Variants in FAM171A1 observed in about 807,000 individuals in gnomAD.
The protein encoded by FAM171A1 is protein FAM171A1.
FAM171A1 carries 23 observed loss-of-function variants against 74.9 expected under a neutral mutation model. The observed-to-expected ratio is 0.31, with a 90% CI of 0.22 to 0.44. The LOEUF (loss-of-function observed/expected upper bound fraction) is 0.44. FAM171A1 is among the 20% of genes least tolerant of loss of function. The probability of loss-of-function intolerance (pLI) is 1.00; values close to 1 mark genes in which losing one functional copy is unlikely to be tolerated. For missense variants in FAM171A1, 1,162 were observed against 1,159.2 expected (o/e 1.00, Z -0.03); for synonymous variants, 527 against 505.7 (o/e 1.04, Z -0.57).
intron 1 of FAM171A1, among the ~76,000 whole-genome samples, chr10:15,369,233 T>TATATATTGAATATATATATATA: frequency 6.6e-6 from 1 of 150,536 alleles, no homozygotes; most frequent in African/African-American, 2.4e-5. Flanking sequence ...TATATATATA[T>TATATATTGAATATATATATATA]TGAAGACATG....
chr10:15,259,333 C>T (rs1466044380), intron 3 of FAM171A1, among the ~76,000 whole-genome samples: 1 of 152,196 alleles, frequency 6.6e-6, no homozygotes, highest in Non-Finnish European at 1.5e-5. Flanking sequence ...GCTTCAGCCT[C>T]ACTCCCTTTT....
At chr10:15,355,733 T>A (rs957834416) in intron 1 of FAM171A1, among the ~76,000 whole-genome samples, 6 of 151,564 alleles carry the variant, frequency 4.0e-5, no homozygotes, top group African/African-American at 1.5e-4. Flanking sequence ...ATAATAATAA[T>A]AAAATAAATA....
At chr10:15,346,858 G>A (rs1835822175) in intron 1 of FAM171A1, among the ~76,000 whole-genome samples, 1 of 152,164 alleles carries the variant, frequency 6.6e-6, no homozygotes, top group Non-Finnish European at 1.5e-5. Flanking sequence ...CTCCAGGGAG[G>A]TAAATTACTA....
intron 1 of FAM171A1, among the ~76,000 whole-genome samples, chr10:15,294,388 G>A (rs1835137130): frequency 6.6e-6 from 1 of 152,204 alleles, no homozygotes; most frequent in South Asian, 2.1e-4. Flanking sequence ...GACCCCGGGA[G>A]TGTGTGCTCA....
chr10:15,280,670 A>G (rs1316842768), intron 2 of FAM171A1, among the ~76,000 whole-genome samples: 3 of 152,230 alleles, frequency 2.0e-5, no homozygotes, highest in African/African-American at 7.2e-5. Flanking sequence ...AAGAATGCTC[A>G]TGCACACACA....
At chr10:15,325,648 G>A (rs963230405) in intron 1 of FAM171A1, among the ~76,000 whole-genome samples, 2 of 152,158 alleles carry the variant, frequency 1.3e-5, no homozygotes, top group African/African-American at 4.8e-5. Context: ...CGTTCCATGG[G>A]CCCCACGGAG....
intron 1 of FAM171A1, among the ~76,000 whole-genome samples, chr10:15,295,777 G>A (rs533316506): frequency 6.6e-6 from 1 of 152,322 alleles, no homozygotes; most frequent in South Asian, 2.1e-4. Flanking sequence ...CTCACCCCAA[G>A]TAGCCCAGCA....
chr10:15,369,932 C>T (rs1451186448), intron 1 of FAM171A1, among the ~76,000 whole-genome samples: 3 of 152,198 alleles, frequency 2.0e-5, no homozygotes, highest in Admixed American at 6.5e-5. Context: ...CCTGAGCCCC[C>T]GGCAAGAGTC....
chr10:15,333,811 G>A (rs1490505827), intron 1 of FAM171A1, among the ~76,000 whole-genome samples: 2 of 152,106 alleles, frequency 1.3e-5, no homozygotes, highest in Non-Finnish European at 2.9e-5. Flanking sequence ...TCTAGCCTGG[G>A]TGACAGAGTG....
At chr10:15,304,890 C>T (rs1390594824) in intron 1 of FAM171A1, among the ~76,000 whole-genome samples, 3 of 152,230 alleles carry the variant, frequency 2.0e-5, no homozygotes, top group Non-Finnish European at 2.9e-5. Context: ...GCATGCGCCA[C>T]CACGTCTGGC....
At chr10:15,258,700 C>T (rs772464180) in intron 3 of FAM171A1, among the ~76,000 whole-genome samples, 5 of 152,190 alleles carry the variant, frequency 3.3e-5, no homozygotes, top group Non-Finnish European at 5.9e-5. Flanking sequence ...TCCTCGTCGA[C>T]CTCTTCACAA....
At chr10:15,299,804 C>G (rs941537113) in intron 1 of FAM171A1, among the ~76,000 whole-genome samples, 37 of 152,046 alleles carry the variant, frequency 2.4e-4, no homozygotes, top group Non-Finnish European at 4.7e-4. Context: ...CGATGAAACC[C>G]TGTCTCTCCT....
In FAM171A1 at chr10:15,214,467, G is replaced by A; in HGVS notation, c.1121C>T (p.Pro374Leu). Residue 374 changes from proline to leucine, a missense_variant, in exon 8 of 8, where the codon CCT becomes CTT. By Grantham distance (98) the Pro-to-Leu change is moderately conservative. Coordinates refer to ENST00000378116, the MANE Select transcript of FAM171A1 (RefSeq NM_001010924.2). ...LLFSRRASEF[P>L]GPLSVTSHGR... is the part of the protein sequence containing the mutation. ...GTGGCTGGTGACGGACAGCGGGCCA[G>A]GGAATTCTGACGCTCGGCGTGAAAA... The A allele has an allele frequency of 6.2e-7, 1 of 1,614,228 alleles. No individual in the cohort carries two copies. Among genetic ancestry groups the A allele is most frequent in the Admixed American group, 1.7e-5 (1 of 60,018 alleles).
chr10:15,267,690 C>A (rs1834764763), intron 3 of FAM171A1, among the ~76,000 whole-genome samples: 1 of 149,164 alleles, frequency 6.7e-6, no homozygotes, highest in East Asian at 2.0e-4. Flanking sequence ...CTGCAGGGGG[C>A]ACCCCACTCA....
At chr10:15,372,640 A>G (rs182252803), upstream of FAM171A1, among the ~76,000 whole-genome samples, 57 of 141,420 alleles carry the variant, frequency 4.0e-4, no homozygotes, top group African/African-American at 1.4e-3. Context: ...GGGAGGTTGC[A>G]GTGAGCCAAG....
Position 15,253,452 on chromosome 10 carries a change from C to T in FAM171A1, c.577+1269G>A, listed in dbSNP as rs559363198. On this transcript the variant is annotated intron_variant, in intron 4 of 7. Coordinates refer to ENST00000378116, the MANE Select transcript of FAM171A1 (RefSeq NM_001010924.2). ...TGATGACCAAGTACTGACATATTTA[C>T]TGACAAGTTAATCACATCCTCATCA... Among the ~76,000 whole-genome samples, 34 of 152,246 alleles carry T rather than the reference C, an allele frequency of 2.2e-4. 1 individual carries two copies. Among genetic ancestry groups the T allele is most frequent in the African/African-American group, 7.9e-4 (33 of 41,530 alleles).
chr10:15,217,421 T>C (rs184481034), intron 6 of FAM171A1, among the ~76,000 whole-genome samples: 1 of 152,178 alleles, frequency 6.6e-6, no homozygotes, highest in Admixed American at 6.5e-5. Context: ...ATAGACTTTT[T>C]AAAAAATCTT....
At chr10:15,219,348 TCTA>T (rs1387112868) in intron 6 of FAM171A1, among the ~76,000 whole-genome samples, 3 of 152,140 alleles carry the variant, frequency 2.0e-5, no homozygotes, top group Non-Finnish European at 2.9e-5. Context: ...CATGTACTGA[TCTA>T]CTGCATGATG....
chr10:15,286,114 C>T (rs575523223), intron 1 of FAM171A1, among the ~76,000 whole-genome samples: 10 of 152,212 alleles, frequency 6.6e-5, no homozygotes, highest in South Asian at 4.2e-4. Context: ...CAGTAAGCAC[C>T]GACACAAGCT....
Sources: gnomAD v4.1 joint callset for allele counts (sites outside exome capture counted in the v4.1 genomes callset) on GRCh38, gnomAD v4.1.1 for gene constraint, MANE v1.5 for transcripts, NCBI Gene and HGNC (gene_info 2026-07-23, HGNC 2026-07-21) for gene names.